Variants in UBR2 observed in about 807,000 individuals in gnomAD.
UBR2 encodes the protein E3 ubiquitin-protein ligase UBR2.
A neutral mutation model predicts 247.9 loss-of-function variants in UBR2; 92 were observed. The observed-to-expected ratio is 0.37, with a 90% confidence interval of 0.31 to 0.44. The LOEUF is 0.44. UBR2 is among the 20% of genes least tolerant of loss of function. UBR2 has a pLI of 1.00. For synonymous variants in UBR2, 672 were observed against 693.5 expected (o/e 0.97, Z 0.49); for missense variants, 1,613 against 2,112.6 (o/e 0.76, Z 4.64).
chr6:42,688,758 C>T (rs954320933), intron 45 of UBR2, among the ~76,000 whole-genome samples: 1 of 152,210 alleles, frequency 6.6e-6, no homozygotes, highest in Non-Finnish European at 1.5e-5. Flanking sequence ...TATCACAACT[C>T]TACATGCCAG....
intron 13 of UBR2, 114 bp from the exon 14 acceptor site, chr6:42,635,304 T>C: frequency 9.3e-7 from 1 of 1,079,560 alleles, no homozygotes. Flanking sequence ...TTAAAACTTA[T>C]ACCTTCTATG....
At chr6:42,652,704 T>A in intron 25 of UBR2, 59 bp downstream of exon 25, 2 of 1,482,264 alleles carry the variant, frequency 1.3e-6, no homozygotes, top group Non-Finnish European at 1.8e-6. Context: ...AGCAAAATAT[T>A]CTTGTCTGTA....
At chr6:42,613,146 T>C (rs1053300968) in intron 8 of UBR2, among the ~76,000 whole-genome samples, 8 of 152,130 alleles carry the variant, frequency 5.3e-5, no homozygotes, top group Admixed American at 5.2e-4. Context: ...CATTTTTCTC[T>C]TTATGTAATG....
At chr6:42,680,151 A>T (rs1428638247) in intron 42 of UBR2, among the ~76,000 whole-genome samples, 1 of 152,144 alleles carries the variant, frequency 6.6e-6, no homozygotes, top group East Asian at 1.9e-4. Context: ...GGTTACAGGC[A>T]TACACCACCA....
intron 34 of UBR2, among the ~76,000 whole-genome samples, chr6:42,669,162 T>C (rs550730624): frequency 5.3e-5 from 8 of 152,258 alleles, no homozygotes; most frequent in African/African-American, 1.7e-4. Context: ...TGACCTCAAG[T>C]GATTCACCCA....
At position 42,689,417 on chromosome 6, in the gene UBR2, A is replaced by C; in HGVS notation, c.5025-152A>C. 4 of 729,842 alleles carry C rather than the reference A, an allele frequency of 5.5e-6. No homozygotes were observed. Among genetic ancestry groups the C allele is most frequent in the African/African-American group, 1.8e-5 (1 of 56,788 alleles). 45.2% of individuals were successfully genotyped at this position (729,842 alleles called of 1,614,324 possible). ...ACACAAATTTGACTCGATTCAACCT[A>C]TTTCCTAGTTTGTGCACAATTTTTT... On this transcript the variant is annotated intron_variant, in intron 45 of 46. Coordinates refer to ENST00000372901, the MANE Select transcript of UBR2 (RefSeq NM_001363705.2). This position sits in a 1 kb window ranked among gnomAD's most constrained non-coding sequence, Gnocchi z 4.0.
chr6:42,614,201 A>ATATATAT (rs1562310707), intron 8 of UBR2, among the ~76,000 whole-genome samples: 4 of 60,766 alleles, frequency 6.6e-5, no homozygotes, highest in Admixed American at 2.2e-4. Context: ...AAAAAAAAAA[A>ATATATAT]AAAACTATAT....
chr6:42,678,820 A>G (rs1798871533), intron 41 of UBR2, 151 bp downstream of exon 41: 2 of 828,242 alleles, frequency 2.4e-6, no homozygotes, highest in Non-Finnish European at 3.6e-6. Flanking sequence ...CATAAAATGT[A>G]TGTTTATGCA....
intron 2 of UBR2, among the ~76,000 whole-genome samples, chr6:42,590,258 G>A (rs1299465242): frequency 6.6e-6 from 1 of 152,144 alleles, no homozygotes; most frequent in Non-Finnish European, 1.5e-5. Context: ...TAAGATCTCA[G>A]GGATCCTTGA....
intron 42 of UBR2, among the ~76,000 whole-genome samples, chr6:42,681,576 T>C (rs2151992392): frequency 8.1e-6 from 1 of 123,554 alleles, no homozygotes; most frequent in African/African-American, 3.2e-5. Context: ...AGCTATTACT[T>C]TTTTAAAAAA....
At chr6:42,613,186 C>T (rs978490162) in intron 8 of UBR2, among the ~76,000 whole-genome samples, 2 of 151,978 alleles carry the variant, frequency 1.3e-5, no homozygotes, top group African/African-American at 2.4e-5. Flanking sequence ...ACATCTGCAA[C>T]CAAAAATACA....
At chr6:42,632,090 A>G (rs956747234) in intron 11 of UBR2, among the ~76,000 whole-genome samples, 2 of 145,038 alleles carry the variant, frequency 1.4e-5, no homozygotes, top group South Asian at 2.2e-4. Flanking sequence ...ATATATATAT[A>G]TGTACACACA....
At chr6:42,652,424 G>C in intron 24 of UBR2, 67 bp from the exon 25 acceptor site, 1 of 1,487,294 alleles carries the variant, frequency 6.7e-7, no homozygotes, top group Non-Finnish European at 9.1e-7. Flanking sequence ...ACTATCAAAA[G>C]TAACAAAGAG....
At chr6:42,619,112 C>T (rs1314852015) in intron 11 of UBR2, among the ~76,000 whole-genome samples, 1 of 151,942 alleles carries the variant, frequency 6.6e-6, no homozygotes, top group African/African-American at 2.4e-5. Flanking sequence ...CTTAATATCC[C>T]ATTTTGACAT....
chr6:42,640,281 C>G lies in UBR2; in HGVS notation c.1920+11C>G, dbSNP rs565007843. The G allele has an allele frequency of 5.4e-5, 85 of 1,586,728 alleles. No individual in the cohort carries two copies. Among genetic ancestry groups the G allele is most frequent in the Non-Finnish European group, 7.1e-5 (83 of 1,170,086 alleles). ...GAGCTCCTACCTCTAGTAAGTGGTG[C>G]TTACATTTAAAAGTGAATACTTATT... On this transcript the variant is annotated intron_variant, in intron 16 of 46. Transcript: ENST00000372901.
At chr6:42,658,457 T>G in intron 28 of UBR2, 137 bp downstream of exon 28, 1 of 1,111,886 alleles carries the variant, frequency 9.0e-7, no homozygotes. Flanking sequence ...TTATCTCTAT[T>G]TGTTGTAGCA....
At chr6:42,630,254 G>A (rs893310645) in intron 11 of UBR2, among the ~76,000 whole-genome samples, 6 of 150,792 alleles carry the variant, frequency 4.0e-5, no homozygotes, top group South Asian at 2.1e-4. Flanking sequence ...GCATGATCTC[G>A]GTTCACTGCA....
chr6:42,592,216 A>G lies in UBR2; in HGVS notation c.404A>G (p.Asp135Gly), dbSNP rs777965219. The change falls in exon 3 of 47, where the codon GAT (aspartate) becomes GGT (glycine). Residue 135 changes from aspartate (D) to glycine (G), a missense_variant. Physicochemically the swap from Asp to Gly is moderately conservative, Grantham distance 94. This residue lies in a region of UBR2 where 1,524 missense variants were observed against 1,967.3 expected (regional missense o/e 0.77). Coordinates refer to ENST00000372901, the MANE Select transcript of UBR2 (RefSeq NM_001363705.2). ...MECFLGSIHR[D>G]HRYRMTTSGG... ...TGCTTTTTGGGAAGTATTCACAGAG[A>G]TCATCGATATAGGGTTAGTAATGTC... The G allele has an allele frequency of 5.0e-6, 8 of 1,593,312 alleles. No homozygotes were observed. The Admixed American group carries it at 1.5e-4, about 30-fold the overall frequency.
intron 2 of UBR2, among the ~76,000 whole-genome samples, chr6:42,575,640 G>A (rs767595145): frequency 7.9e-5 from 12 of 152,222 alleles, no homozygotes; most frequent in South Asian, 2.1e-4. Context: ...TCTGGTTTTC[G>A]TAATTAGATT....
Sources: allele counts gnomAD v4.1 joint callset (sites outside exome capture counted in the v4.1 genomes callset), GRCh38; gene constraint gnomAD v4.1.1; regional missense constraint gnomAD v4.1.1; non-coding constraint Gnocchi (gnomAD v3.1); transcripts MANE v1.5; gene names NCBI Gene and HGNC (gene_info 2026-07-23, HGNC 2026-07-21).